DICER1: variants seen among roughly 807,000 people sequenced by gnomAD.
DICER1 encodes the protein dicer 1, ribonuclease III.
DICER1 carries 43 observed loss-of-function variants against 194.1 expected under a neutral mutation model. The ratio of observed to expected loss-of-function variants is 0.22; its 90% CI spans 0.17 to 0.29. The LOEUF is 0.29. Ranked by LOEUF, DICER1 falls within the 10% of genes least tolerant of loss-of-function variation. The probability of loss-of-function intolerance (pLI) is 1.00; values close to 1 mark genes in which losing one functional copy is unlikely to be tolerated. For missense variants in DICER1, 1,608 were observed against 2,317.0 expected (o/e 0.69, Z 6.28); for synonymous variants, 832 against 820.5 (o/e 1.01, Z -0.24).
At chr14:95,126,089 A>G (rs1259922318) in intron 7 of DICER1, among the ~76,000 whole-genome samples, 1 of 149,322 alleles carries the variant, frequency 6.7e-6, no homozygotes, top group Non-Finnish European at 1.5e-5. Context: ...TGAAGACTGC[A>G]AACAGTAAAA....
At chr14:95,142,792 G>A (rs766512415) in intron 1 of DICER1, among the ~76,000 whole-genome samples, 19 of 152,172 alleles carry the variant, frequency 1.2e-4, no homozygotes, top group Admixed American at 4.6e-4. Flanking sequence ...AGACAGTCAA[G>A]TTTTAGTACA....
At chr14:95,101,000 G>T (rs893171913) in intron 21 of DICER1, among the ~76,000 whole-genome samples, 1 of 152,114 alleles carries the variant, frequency 6.6e-6, no homozygotes, top group Non-Finnish European at 1.5e-5. Context: ...CATCACAAGC[G>T]CCAAGAAGAG....
chr14:95,117,584 G>A (rs369709150), intron 9 of DICER1, 38 bp downstream of exon 9: 31 of 1,612,116 alleles, frequency 1.9e-5, no homozygotes, highest in South Asian at 4.4e-5. Flanking sequence ...TATATGTCCC[G>A]AAAACTGTTA....
chr14:95,140,961 A>G (rs1438548819), intron 1 of DICER1, among the ~76,000 whole-genome samples: 2 of 152,230 alleles, frequency 1.3e-5, no homozygotes, highest in Admixed American at 1.3e-4. Context: ...CTACAATAGC[A>G]TGCCTAATTC....
chr14:95,149,727 C>G (rs1398440527), intron 1 of DICER1, among the ~76,000 whole-genome samples: 2 of 152,130 alleles, frequency 1.3e-5, no homozygotes, highest in African/African-American at 4.8e-5. Flanking sequence ...AAGTAAATAT[C>G]CATGAATAAT....
intron 1 of DICER1, among the ~76,000 whole-genome samples, chr14:95,140,277 G>C (rs1894743772): frequency 6.6e-6 from 1 of 152,112 alleles, no homozygotes. Flanking sequence ...TTTAGAGACT[G>C]ACCCCGTATA....
intron 15 of DICER1, 38 bp downstream of exon 15, chr14:95,108,286 G>C (rs2140030017): frequency 1.3e-6 from 2 of 1,573,456 alleles, no homozygotes; most frequent in Non-Finnish European, 1.7e-6. Flanking sequence ...TCCTAAGCAA[G>C]ACGTTTTTGA....
At chr14:95,122,929 C>T (rs929408391) in intron 8 of DICER1, among the ~76,000 whole-genome samples, 1 of 151,064 alleles carries the variant, frequency 6.6e-6, no homozygotes, top group Non-Finnish European at 1.5e-5. Context: ...TGTGCGCGTG[C>T]GTGTACGCGC....
chr14:95,140,534 G>A (rs961251238), intron 1 of DICER1: 2 of 152,078 alleles, frequency 1.3e-5, no homozygotes, highest in South Asian at 2.1e-4. Context: ...TGACAAAATC[G>A]CCTAACAATG....
At position 95,124,817 on chromosome 14, in the gene DICER1, G is replaced by A. The variant is rs1893269094; in HGVS notation, c.904-149C>T. 6 of 663,878 alleles carry A rather than the reference G, an allele frequency of 9.0e-6. No individual in the cohort carries two copies. The highest frequency in any genetic ancestry group is 2.8e-5 in the Admixed American group (1 of 36,346). The allele number at this position is 663,878 out of a possible 1,614,324, so 41.1% of individuals were successfully genotyped here. ...TAAGTCCCTGAAGGTGGGGGGAGAGGCCATTAGCCTTTTCAAGCTCATTTC... is the reference window on the plus strand; with the variant it reads ...TAAGTCCCTGAAGGTGGGGGGAGAGACCATTAGCCTTTTCAAGCTCATTTC... On this transcript the variant is annotated intron_variant, in intron 7 of 26. Transcript: ENST00000343455. The surrounding 1 kb of genome is among the most constrained non-coding windows in gnomAD (Gnocchi z 4.5).
intron 8 of DICER1, among the ~76,000 whole-genome samples, chr14:95,123,627 C>G (rs1893130722): frequency 6.6e-6 from 1 of 152,048 alleles, no homozygotes; most frequent in African/African-American, 2.4e-5. Context: ...GTTGTGTTGC[C>G]CCTTGTGAAC....
intron 1 of DICER1, among the ~76,000 whole-genome samples, chr14:95,138,188 C>G (rs1054126297): frequency 1.3e-5 from 2 of 151,538 alleles, no homozygotes; most frequent in Non-Finnish European, 2.9e-5. Flanking sequence ...CCTGGCATTT[C>G]AAAGGACAGA....
In DICER1 at chr14:95,089,625, C is replaced by T. The variant is rs45518832; in HGVS notation, c.*873G>A. The T allele has an allele frequency of 6.9e-3, 1,586 of 231,050 alleles. 14 individuals carry two copies. The highest frequency in any genetic ancestry group is 0.011 in the Non-Finnish European group (1,269 of 116,808). 14.3% of individuals were successfully genotyped at this position (231,050 alleles called of 1,614,324 possible). On this transcript the variant is annotated 3_prime_UTR_variant, in exon 27 of 27. Transcript: ENST00000343455. ...GATCATTTTTATGATAAAAAATATC[C>T]GTAGACTACATATTCTGGTTTTTAA...
At chr14:95,114,838 T>C (rs920434582) in intron 11 of DICER1, among the ~76,000 whole-genome samples, 19 of 152,068 alleles carry the variant, frequency 1.2e-4, no homozygotes, top group African/African-American at 4.3e-4. Context: ...CTGGGTCTCA[T>C]CATAAGAAAA....
chr14:95,129,412 A>G (rs1184788593), intron 6 of DICER1, 60 bp downstream of exon 6: 2 of 1,547,686 alleles, frequency 1.3e-6, no homozygotes, highest in African/African-American at 2.7e-5. Context: ...CAAAAACACC[A>G]AAGACTTAAT....
chr14:95,096,849 G>T, intron 22 of DICER1, 136 bp from the exon 23 acceptor site: 3 of 972,036 alleles, frequency 3.1e-6, no homozygotes, highest in Admixed American at 3.2e-5. Context: ...TTAAAATCAT[G>T]GCCATTTGTT....
chr14:95,117,511 C>CA (rs1472775155), intron 9 of DICER1, 111 bp downstream of exon 9: 32 of 1,178,606 alleles, frequency 2.7e-5, no homozygotes, highest in Admixed American at 3.5e-5. Flanking sequence ...TTCTATAATA[C>CA]AAAAAATAAT....
At chr14:95,093,663 C>G (rs1390201477) in intron 24 of DICER1, among the ~76,000 whole-genome samples, 1 of 152,166 alleles carries the variant, frequency 6.6e-6, no homozygotes, top group Admixed American at 6.5e-5. Context: ...GGCCTGGTTC[C>G]TTCTCTTCAC....
At chr14:95,136,639 T>C (rs77127618) in intron 1 of DICER1, 1 of 152,240 alleles carries the variant, frequency 6.6e-6, no homozygotes, top group Non-Finnish European at 1.5e-5. Flanking sequence ...CCAGAGGAAT[T>C]GGTTCATGCT....
Sources: gnomAD v4.1 joint callset for allele counts (sites outside exome capture counted in the v4.1 genomes callset) on GRCh38, gnomAD v4.1.1 for gene constraint, Gnocchi (gnomAD v3.1) non-coding constraint, MANE v1.5 for transcripts, NCBI Gene and HGNC (gene_info 2026-07-23, HGNC 2026-07-21) for gene names.